MMS22L: variants seen among roughly 807,000 people sequenced by gnomAD.
The protein encoded by MMS22L is MMS22 like, DNA repair protein, also known as protein MMS22-like.
MMS22L carries 74 observed loss-of-function variants against 159.1 expected under a neutral mutation model. The observed-to-expected ratio is 0.47, with a 90% CI of 0.39 to 0.56. MMS22L has a LOEUF of 0.56. Among genes scored for constraint, MMS22L ranks in the 20% least tolerant of loss-of-function variants. MMS22L has a pLI of 0.00. For synonymous variants in MMS22L, 517 were observed against 506.9 expected (o/e 1.02, Z -0.27); for missense variants, 1,351 against 1,422.1 (o/e 0.95, Z 0.80).
At chr6:97,215,839 C>T (rs1194272695) in intron 14 of MMS22L, among the ~76,000 whole-genome samples, 1 of 152,076 alleles carries the variant, frequency 6.6e-6, no homozygotes, top group Non-Finnish European at 1.5e-5. Context: ...GCTATGAGCT[C>T]ACCAGGGGGA....
At chr6:97,181,740 T>C (rs1012123284) in intron 16 of MMS22L, among the ~76,000 whole-genome samples, 164 bp downstream of exon 16, 5 of 152,140 alleles carry the variant, frequency 3.3e-5, no homozygotes, top group Admixed American at 3.3e-4. Context: ...GTGTTCTTAC[T>C]ATTACTACTG....
rs1813600121 is a variant in MMS22L, at chr6:97,254,673, T to C, written c.1003A>G (p.Arg335Gly). 1 of 1,611,984 alleles carries C rather than the reference T, an allele frequency of 6.2e-7. No homozygotes were observed. Among genetic ancestry groups the C allele is most frequent in the African/African-American group, 1.3e-5 (1 of 74,866 alleles). Residue 335 changes from arginine to glycine, a missense_variant, in exon 10 of 25, where the codon AGA becomes GGA. Arg to Gly is a moderately radical substitution (Grantham distance 125). Transcript: ENST00000683635. Reference sequence around the variant, plus strand: ...TGGATTACAGGCATAGAGGATCTTCTTCGGTCACTTGATTTTTCAAGCAGT... The same window carrying C: ...TGGATTACAGGCATAGAGGATCTTCCTCGGTCACTTGATTTTTCAAGCAGT... ...KTLLEKSSDR[R>G]RSSMPVIQSR...
intron 14 of MMS22L, among the ~76,000 whole-genome samples, chr6:97,193,387 AACAGTAACTAGC>A (rs1441684356): frequency 2.6e-5 from 4 of 152,214 alleles, no homozygotes; most frequent in African/African-American, 9.7e-5. Flanking sequence ...GTGTCCCAAA[AACAGTAACTAGC>A]ACTGGTATGA....
At position 97,231,464 on chromosome 6, in the gene MMS22L, C is replaced by T. The variant is rs2128000215; in HGVS notation, c.1491G>A (p.Lys497=). ...GTTTCCAAGGATGAGGGCCATTGCTCTTCATTGCTTTTTTAACAACTTTTG... is the reference window on the plus strand; with the variant it reads ...GTTTCCAAGGATGAGGGCCATTGCTTTTCATTGCTTTTTTAACAACTTTTG... The part of the protein sequence containing the change: ...ILAKVVKKAM[K]SNGPHPWKQV... The change falls in exon 13 of 25, where the codon AAG becomes AAA. Residue 497 remains lysine, a synonymous_variant. Transcript: ENST00000683635. 1 of 1,613,520 alleles carries T rather than the reference C, an allele frequency of 6.2e-7. No homozygotes were observed. The highest frequency in any genetic ancestry group is 2.2e-5 in the East Asian group (1 of 44,830).
chr6:97,235,180 GAT>G (rs1811267813), intron 11 of MMS22L, among the ~76,000 whole-genome samples: 1 of 152,188 alleles, frequency 6.6e-6, no homozygotes, highest in South Asian at 2.1e-4. Flanking sequence ...AAACTTTAAA[GAT>G]ATGTTTGGAA....
chr6:97,283,843 A>G (rs1582897052), upstream of MMS22L, among the ~76,000 whole-genome samples: 1 of 152,246 alleles, frequency 6.6e-6, no homozygotes, highest in African/African-American at 2.4e-5. Context: ...TAAATCGTAC[A>G]AAGTGTATAG....
At chr6:97,231,704 TAA>T in intron 12 of MMS22L, 52 bp from the exon 13 acceptor site, 1 of 1,321,750 alleles carries the variant, frequency 7.6e-7, no homozygotes, top group South Asian at 1.3e-5. Flanking sequence ...TCTTAGTAAA[TAA>T]AATGGTAAGC....
At chr6:97,257,273 T>C (rs1247336184) in intron 9 of MMS22L, among the ~76,000 whole-genome samples, 2 of 152,208 alleles carry the variant, frequency 1.3e-5, no homozygotes, top group Non-Finnish European at 2.9e-5. Flanking sequence ...GCATAACAGA[T>C]CTTATTCAAA....
At chr6:97,198,092 G>A (rs1806736919) in intron 14 of MMS22L, among the ~76,000 whole-genome samples, 1 of 152,124 alleles carries the variant, frequency 6.6e-6, no homozygotes, top group African/African-American at 2.4e-5. Flanking sequence ...GGTAATAAAA[G>A]GCCATAAAGC....
chr6:97,156,981 CTT>C (rs138305726), intron 22 of MMS22L, among the ~76,000 whole-genome samples: 14,704 of 151,980 alleles, frequency 0.097, 1,402 homozygotes, highest in African/African-American at 0.25. Flanking sequence ...TTTGTGTCCT[CTT>C]TTATTTTATT....
At chr6:97,200,843 T>C (rs1291088225) in intron 14 of MMS22L, among the ~76,000 whole-genome samples, 1 of 152,030 alleles carries the variant, frequency 6.6e-6, no homozygotes, top group Non-Finnish European at 1.5e-5. Flanking sequence ...GAATTTTAAC[T>C]AGAAATTGGA....
chr6:97,268,449 A>G (rs1815380012), intron 7 of MMS22L, among the ~76,000 whole-genome samples: 1 of 152,130 alleles, frequency 6.6e-6, no homozygotes. Flanking sequence ...TGGCCTCCCA[A>G]AGTGCTGGGA....
chr6:97,262,478 C>G (rs1562519103), intron 9 of MMS22L, among the ~76,000 whole-genome samples: 1 of 151,894 alleles, frequency 6.6e-6, no homozygotes, highest in Non-Finnish European at 1.5e-5. Context: ...AACCCCATCT[C>G]TACCAAAAAT....
chr6:97,201,549 G>A (rs563679303), intron 14 of MMS22L, among the ~76,000 whole-genome samples: 32 of 152,158 alleles, frequency 2.1e-4, no homozygotes, highest in Non-Finnish European at 4.4e-4. Flanking sequence ...CTGCCTGGTC[G>A]TGTTAACAGG....
intron 11 of MMS22L, among the ~76,000 whole-genome samples, chr6:97,237,599 A>G (rs1345896549): frequency 2.0e-5 from 3 of 152,218 alleles, no homozygotes; most frequent in Non-Finnish European, 2.9e-5. Context: ...CACATGGTAT[A>G]TACGCCACGG....
At chr6:97,251,866 G>T (rs1045249988) in intron 10 of MMS22L, among the ~76,000 whole-genome samples, 1 of 151,828 alleles carries the variant, frequency 6.6e-6, no homozygotes, top group Admixed American at 6.6e-5. Context: ...GGCGGATCAC[G>T]AGGTCAGAAG....
chr6:97,188,585 G>C lies in MMS22L; in HGVS notation c.2040-1895C>G, dbSNP rs538308270. On this transcript the variant is annotated intron_variant, in intron 14 of 24. Coordinates refer to ENST00000683635, the MANE Select transcript of MMS22L (RefSeq NM_001350599.2). ...ATCTGAACTTAAATCTGACTCTGAAGCCCACTTTTCTTTTTACACACTAAG... is the reference window on the plus strand; with the variant it reads ...ATCTGAACTTAAATCTGACTCTGAACCCCACTTTTCTTTTTACACACTAAG... Among the ~76,000 whole-genome samples the C allele has an allele frequency of 3.9e-5, 6 of 152,272 alleles. No homozygotes were observed. The East Asian group carries it at 1.2e-3, about 29-fold the overall frequency.
At chr6:97,166,383 G>A (rs2128247849) in intron 20 of MMS22L, among the ~76,000 whole-genome samples, 1 of 152,150 alleles carries the variant, frequency 6.6e-6, no homozygotes, top group African/African-American at 2.4e-5. Context: ...AATTTAAAAT[G>A]TTTGAAGTCT....
intron 16 of MMS22L, 102 bp from the exon 17 acceptor site, chr6:97,179,661 G>T: frequency 9.9e-7 from 1 of 1,008,274 alleles, no homozygotes; most frequent in Non-Finnish European, 1.3e-6. Flanking sequence ...CAACTCCTTG[G>T]CCTCATTGAT....
Sources: gnomAD v4.1 joint callset for allele counts (sites outside exome capture counted in the v4.1 genomes callset) on GRCh38, gnomAD v4.1.1 for gene constraint, MANE v1.5 for transcripts, NCBI Gene and HGNC (gene_info 2026-07-23, HGNC 2026-07-21) for gene names.